MAST4: variants seen among roughly 807,000 people sequenced by gnomAD.
The protein encoded by MAST4 is microtubule-associated serine/threonine-protein kinase 4.
A neutral mutation model predicts 162.7 loss-of-function variants in MAST4; 89 were observed. The ratio of observed to expected loss-of-function variants is 0.55; its 90% CI spans 0.46 to 0.65. MAST4 has a LOEUF of 0.65. Among genes scored for constraint, MAST4 ranks in the 30% least tolerant of loss-of-function variants. The pLI is 0.00. For missense variants in MAST4, 3,153 were observed against 3,374.0 expected, an observed-to-expected ratio of 0.93 and a Z score of 1.62; for synonymous variants, 1,479 against 1,361.1, an observed-to-expected ratio of 1.09 and a Z score of -1.91.
At chr5:66,826,531 TCTAC>T (rs576679054) in intron 3 of MAST4, among the ~76,000 whole-genome samples, 37 of 152,300 alleles carry the variant, frequency 2.4e-4, no homozygotes, top group Middle Eastern at 3.4e-3. Context: ...TTCTGGGCTC[TCTAC>T]CTGTTTTGTT....
chr5:66,808,276 A>G (rs1756303827), intron 3 of MAST4, among the ~76,000 whole-genome samples: 1 of 152,192 alleles, frequency 6.6e-6, no homozygotes, highest in Non-Finnish European at 1.5e-5. Context: ...CTGCTGTCTC[A>G]TGAAGGAGGT....
intron 5 of MAST4, among the ~76,000 whole-genome samples, chr5:67,082,548 A>ATCAGATAC (rs1214683006): frequency 6.6e-6 from 1 of 152,230 alleles, no homozygotes; most frequent in Non-Finnish European, 1.5e-5. Context: ...GAGATGCTGG[A>ATCAGATAC]TCAGATACTA....
chr5:66,997,433 CTTT>C (rs35005578), intron 4 of MAST4, among the ~76,000 whole-genome samples: 11 of 134,960 alleles, frequency 8.2e-5, no homozygotes, highest in African/African-American at 3.0e-4. Context: ...TTTCTTTTCT[CTTT>C]TTTTTTTTTT....
chr5:66,866,108 CGT>C, intron 3 of MAST4, among the ~76,000 whole-genome samples: 1 of 149,066 alleles, frequency 6.7e-6, no homozygotes, highest in South Asian at 2.1e-4. Context: ...AAATAGAGTA[CGT>C]TGCTGGTAGT....
In MAST4 at chr5:67,054,328, T is replaced by C. The variant is rs570569561; in HGVS notation, c.675-76T>C. On this transcript the variant is annotated intron_variant, in intron 4 of 28. Coordinates refer to ENST00000403625, the MANE Select transcript of MAST4 (RefSeq NM_001164664.2). Reference sequence around the variant, plus strand: ...CAGATAGGTTGCTCAACCTGGTCCATGTCTACCGGGAACATGGTTGAACAT... The same window carrying C: ...CAGATAGGTTGCTCAACCTGGTCCACGTCTACCGGGAACATGGTTGAACAT... The C allele has an allele frequency of 5.6e-6, 7 of 1,250,996 alleles. No individual in the cohort carries two copies. The African/African-American group carries it at 7.5e-5, about 13-fold the overall frequency. 77.5% of individuals were successfully genotyped at this position (1,250,996 alleles called of 1,614,324 possible). A position where few individuals can be genotyped will look rare whatever the true frequency, so the allele number is the denominator to read the frequency against.
chr5:66,808,163 T>G (rs1396749946), intron 3 of MAST4, among the ~76,000 whole-genome samples: 1 of 152,244 alleles, frequency 6.6e-6, no homozygotes, highest in Non-Finnish European at 1.5e-5. Flanking sequence ...TTCTGTCGTG[T>G]TCAGTCCAGC....
At chr5:67,006,999 T>C (rs1194254718) in intron 4 of MAST4, among the ~76,000 whole-genome samples, 1 of 152,200 alleles carries the variant, frequency 6.6e-6, no homozygotes, top group Non-Finnish European at 1.5e-5. Flanking sequence ...TTTTGCAGTT[T>C]GGAAATAAAC....
chr5:66,945,029 T>C (rs1329976526), intron 4 of MAST4, among the ~76,000 whole-genome samples: 1 of 152,046 alleles, frequency 6.6e-6, no homozygotes, highest in South Asian at 2.1e-4. Flanking sequence ...TTATACAGAG[T>C]GTCAGTCATT....
At chr5:67,151,287 G>A (rs1363993286) in intron 24 of MAST4, among the ~76,000 whole-genome samples, 24 of 152,160 alleles carry the variant, frequency 1.6e-4, no homozygotes, top group Admixed American at 1.5e-3. Flanking sequence ...TCAAGGTGGC[G>A]ACAGTTTCAG....
At chr5:67,141,046 G>C (rs1285083942) in intron 19 of MAST4, among the ~76,000 whole-genome samples, 1 of 152,160 alleles carries the variant, frequency 6.6e-6, no homozygotes, top group African/African-American at 2.4e-5. Flanking sequence ...GGTCCAATGA[G>C]GACAGAGTCC....
intron 3 of MAST4, among the ~76,000 whole-genome samples, chr5:66,845,122 T>C (rs374337469): frequency 0.01 from 1,093 of 106,212 alleles, 7 homozygotes; most frequent in South Asian, 0.039. Flanking sequence ...TATATATATA[T>C]ATATACACAC....
chr5:67,074,586 C>T (rs757837609), intron 5 of MAST4, among the ~76,000 whole-genome samples: 9 of 151,824 alleles, frequency 5.9e-5, no homozygotes, highest in Non-Finnish European at 1.0e-4. Context: ...TGTAGTCCAT[C>T]TGTATAATGG....
chr5:66,637,295 A>AT (rs1445435593), intron 1 of MAST4, among the ~76,000 whole-genome samples: 6 of 150,768 alleles, frequency 4.0e-5, no homozygotes, highest in Non-Finnish European at 7.4e-5. Context: ...ATACTTTCAC[A>AT]TAAGTATTCC....
intron 1 of MAST4, among the ~76,000 whole-genome samples, chr5:66,641,893 A>G (rs1166766217): frequency 2.0e-5 from 3 of 152,354 alleles, no homozygotes; most frequent in Non-Finnish European, 2.9e-5. Flanking sequence ...AATGATAAAT[A>G]GGAAAAAATA....
chr5:67,153,621 G>A, intron 26 of MAST4, 41 bp downstream of exon 26: 1 of 1,530,724 alleles, frequency 6.5e-7, no homozygotes, highest in Non-Finnish European at 8.8e-7. Context: ...GATGAGACAG[G>A]CAGCCCAAAG....
intron 3 of MAST4, among the ~76,000 whole-genome samples, chr5:66,798,221 A>G (rs1272959593): frequency 6.6e-6 from 1 of 151,510 alleles, no homozygotes; most frequent in African/African-American, 2.4e-5. Context: ...ATTTGTTTTT[A>G]AGTGAAATGT....
chr5:66,679,332 T>C (rs1232270092), intron 1 of MAST4, among the ~76,000 whole-genome samples: 1 of 152,104 alleles, frequency 6.6e-6, no homozygotes, highest in African/African-American at 2.4e-5. Flanking sequence ...TAGTGGTCAA[T>C]TGCATGTGGT....
chr5:66,734,222 T>C (rs892698369), intron 1 of MAST4, among the ~76,000 whole-genome samples: 3 of 152,210 alleles, frequency 2.0e-5, no homozygotes, highest in African/African-American at 7.2e-5. Context: ...CTTCTAAAAC[T>C]CCCAAATTAG....
At chr5:66,676,940 T>G (rs4594807) in intron 1 of MAST4, among the ~76,000 whole-genome samples, 76,604 of 151,988 alleles carry the variant, frequency 0.5, 20,004 homozygotes, top group South Asian at 0.64. Flanking sequence ...TCATCATCCA[T>G]TATTGGGAGT....
Sources: allele counts gnomAD v4.1 joint callset (sites outside exome capture counted in the v4.1 genomes callset), GRCh38; gene constraint gnomAD v4.1.1; transcripts MANE v1.5; gene names NCBI Gene and HGNC (gene_info 2026-07-23, HGNC 2026-07-21).